The following MYT1L variants were observed in gnomAD, a reference collection of about 807,000 sequenced individuals.
The protein encoded by MYT1L is myelin transcription factor 1 like, also known as myelin transcription factor 1-like protein.
In MYT1L, 12 loss-of-function variants were observed where a neutral mutation model predicts 126.7. The ratio of observed to expected loss-of-function variants is 0.09; its 90% CI spans 0.06 to 0.15. MYT1L has a LOEUF of 0.15. Ranked by LOEUF, MYT1L falls within the 10% of genes least tolerant of loss-of-function variation. The probability of loss-of-function intolerance (pLI) is 1.00; values close to 1 mark genes in which losing one functional copy is unlikely to be tolerated. For missense variants in MYT1L, 979 were observed against 1,585.2 expected, an observed-to-expected ratio of 0.62 and a Z score of 6.49; for synonymous variants, 541 against 604.2, an observed-to-expected ratio of 0.90 and a Z score of 1.53.
intron 2 of MYT1L, among the ~76,000 whole-genome samples, chr2:2,257,188 G>T (rs570577215): frequency 6.6e-6 from 1 of 152,004 alleles, no homozygotes; most frequent in Non-Finnish European, 1.5e-5. Context: ...GAGAATAATC[G>T]CCATTCCCGA....
At chr2:2,158,987 C>T (rs746530689) in intron 3 of MYT1L, among the ~76,000 whole-genome samples, 1 of 152,204 alleles carries the variant, frequency 6.6e-6, no homozygotes, top group African/African-American at 2.4e-5. Flanking sequence ...TGTTACAGCA[C>T]ATATGCAGCA....
intron 22 of MYT1L, among the ~76,000 whole-genome samples, chr2:1,804,755 A>AG (rs146754482): frequency 0.044 from 6,723 of 152,268 alleles, 199 homozygotes; most frequent in South Asian, 0.099. Context: ...TTACAGCTGA[A>AG]TAGAAACGTG....
intron 21 of MYT1L, among the ~76,000 whole-genome samples, chr2:1,832,577 G>A (rs2040335763): frequency 6.6e-6 from 1 of 152,106 alleles, no homozygotes; most frequent in African/African-American, 2.4e-5. Context: ...CATGTTGGAG[G>A]TCTAGCCCTC....
chr2:2,076,207 T>C (rs1216035582), intron 3 of MYT1L, among the ~76,000 whole-genome samples: 3 of 151,840 alleles, frequency 2.0e-5, no homozygotes, highest in Non-Finnish European at 4.4e-5. Context: ...TTTGGAAAAC[T>C]CTCTCACACT....
At chr2:2,308,959 C>T (rs1054150804) in intron 1 of MYT1L, among the ~76,000 whole-genome samples, 2 of 151,476 alleles carry the variant, frequency 1.3e-5, no homozygotes, top group African/African-American at 2.4e-5. Flanking sequence ...CTTACTCCAC[C>T]TACACTTTAT....
intron 22 of MYT1L, among the ~76,000 whole-genome samples, chr2:1,805,566 G>T (rs771471650): frequency 6.6e-6 from 1 of 151,942 alleles, no homozygotes; most frequent in Non-Finnish European, 1.5e-5. Context: ...AACACAGGGG[G>T]CAACATAGTC....
intron 2 of MYT1L, among the ~76,000 whole-genome samples, chr2:2,185,905 C>T (rs1287225414): frequency 8.0e-6 from 1 of 125,534 alleles, no homozygotes; most frequent in Non-Finnish European, 1.6e-5. Flanking sequence ...CCGGGCCTTC[C>T]GGGCCTTCCC....
At chr2:1,869,550 G>A (rs576413264) in intron 18 of MYT1L, among the ~76,000 whole-genome samples, 9 of 152,340 alleles carry the variant, frequency 5.9e-5, no homozygotes, top group South Asian at 2.1e-4. Context: ...TGATGAGAAC[G>A]CCCTGGTTTC....
intron 2 of MYT1L, among the ~76,000 whole-genome samples, chr2:2,182,148 T>C (rs1339677858): frequency 6.7e-6 from 1 of 148,750 alleles, no homozygotes; most frequent in Non-Finnish European, 1.5e-5. Context: ...GTCTTGGAAC[T>C]GTGGCCACGG....
chr2:2,073,528 T>A (rs1035087798), intron 3 of MYT1L, among the ~76,000 whole-genome samples: 2 of 152,122 alleles, frequency 1.3e-5, no homozygotes, highest in African/African-American at 2.4e-5. Flanking sequence ...TAGGATGAAG[T>A]CTCTCCTCAC....
chr2:2,175,062 T>C (rs116010819), intron 2 of MYT1L, among the ~76,000 whole-genome samples: 1 of 152,092 alleles, frequency 6.6e-6, no homozygotes, highest in East Asian at 1.9e-4. Context: ...GTGTTGTATG[T>C]TGAGTGTGAA....
At chr2:2,239,372 A>T (rs1279822160) in intron 2 of MYT1L, among the ~76,000 whole-genome samples, 1 of 152,262 alleles carries the variant, frequency 6.6e-6, no homozygotes, top group East Asian at 1.9e-4. Flanking sequence ...TGCTTCCTTC[A>T]CATTCTTCAC....
At position 2,185,712 on chromosome 2, in the gene MYT1L, T is replaced by C. The variant is rs571841316; in HGVS notation, c.-420-12724A>G. ...GCCGGGCCTTCCGGGCCTTCCCGAG[T>C]CCCGCGTTCCTTACGTGAGGCGGAC... is the stretch of plus-strand genomic sequence containing the variant. On this transcript the variant is annotated intron_variant, in intron 2 of 24. Transcript: ENST00000647738. 2.6e-3 allele frequency among the ~76,000 whole-genome samples: 334 copies of C among 128,010 alleles called. 7 individuals carry two copies. Among genetic ancestry groups the C allele is most frequent in the South Asian group, 0.015 (55 of 3,688 alleles). 84.0% of individuals were successfully genotyped at this position (128,010 alleles called of 152,430 possible). A position where few individuals can be genotyped will look rare whatever the true frequency, so the allele number is the denominator to read the frequency against.
At chr2:2,112,931 G>A (rs2079655343) in intron 3 of MYT1L, among the ~76,000 whole-genome samples, 1 of 152,190 alleles carries the variant, frequency 6.6e-6, no homozygotes, top group Non-Finnish European at 1.5e-5. Context: ...CTCCTCTGCA[G>A]AGCTGGCTTC....
intron 8 of MYT1L, among the ~76,000 whole-genome samples, chr2:1,967,121 T>G (rs11900578): frequency 6.6e-6 from 1 of 152,226 alleles, no homozygotes; most frequent in Non-Finnish European, 1.5e-5. Flanking sequence ...ATGGGTTCTT[T>G]CATCATTTCT....
intron 8 of MYT1L, among the ~76,000 whole-genome samples, chr2:1,977,105 T>C (rs544741716): frequency 1.3e-5 from 2 of 152,324 alleles, no homozygotes; most frequent in South Asian, 4.1e-4. Flanking sequence ...ATATGAGCCA[T>C]GGTAAAAATG....
At chr2:2,209,768 T>C (rs1290159119) in intron 2 of MYT1L, among the ~76,000 whole-genome samples, 1 of 152,250 alleles carries the variant, frequency 6.6e-6, no homozygotes, top group African/African-American at 2.4e-5. Context: ...GGAGAGCAGA[T>C]ATCTCTTTGA....
chr2:2,292,244 G>T (rs1050119838), intron 1 of MYT1L, among the ~76,000 whole-genome samples: 1 of 152,192 alleles, frequency 6.6e-6, no homozygotes, highest in Admixed American at 6.5e-5. Flanking sequence ...AAGACTGAAG[G>T]CTGCCCTGCT....
chr2:2,138,858 A>G (rs1156659247), intron 3 of MYT1L, among the ~76,000 whole-genome samples: 1 of 151,652 alleles, frequency 6.6e-6, no homozygotes, highest in Non-Finnish European at 1.5e-5. Context: ...AAAAAAAAAA[A>G]AAAGAAATAA....
Sources: gnomAD v4.1 joint callset for allele counts (sites outside exome capture counted in the v4.1 genomes callset) on GRCh38, gnomAD v4.1.1 for gene constraint, MANE v1.5 for transcripts, NCBI Gene and HGNC (gene_info 2026-07-23, HGNC 2026-07-21) for gene names.